Variants in CALN1 observed in about 807,000 individuals in gnomAD.
The protein encoded by CALN1 is calneuron 1.
In CALN1, 17 loss-of-function variants were observed where a neutral mutation model predicts 30.6. The observed-to-expected ratio is 0.56, with a 90% confidence interval of 0.38 to 0.83. CALN1 has a LOEUF of 0.83. Ranked by LOEUF, CALN1 falls within the 40% of genes least tolerant of loss-of-function variation. The pLI, the probability that CALN1 is intolerant of heterozygous loss-of-function variation, is 0.00. For synonymous variants in CALN1, 156 were observed against 131.4 expected, an observed-to-expected ratio of 1.19 and a Z score of -1.28; for missense variants, 291 against 354.9, an observed-to-expected ratio of 0.82 and a Z score of 1.45.
chr7:72,328,482 T>C lies in CALN1; in HGVS notation c.120-49672A>G, dbSNP rs538996607. Among the ~76,000 whole-genome samples the C allele has an allele frequency of 5.3e-5, 8 of 152,342 alleles. No individual in the cohort carries two copies. The East Asian group carries it at 7.7e-4, about 15-fold the overall frequency. ...GGCATGTGGTACTACTGTGAGTGCATCAAGCCTCTTTCCTTTATAAATTAC... is the reference window on the plus strand; with the variant it reads ...GGCATGTGGTACTACTGTGAGTGCACCAAGCCTCTTTCCTTTATAAATTAC... On this transcript the variant is annotated intron_variant, in intron 2 of 6. Transcript: ENST00000395275.
chr7:72,045,329 T>G (rs1802397774), intron 4 of CALN1, among the ~76,000 whole-genome samples: 1 of 152,208 alleles, frequency 6.6e-6, no homozygotes, highest in Admixed American at 6.5e-5. Context: ...CTCCTGACTA[T>G]GTGTGCTTGG....
intron 3 of CALN1, among the ~76,000 whole-genome samples, chr7:72,259,584 A>C (rs1338854331): frequency 1.3e-5 from 2 of 151,954 alleles, no homozygotes. Context: ...CGGGAATCCC[A>C]CTCCCACCAA....
At chr7:71,798,703 C>T (rs1258001388) in intron 6 of CALN1, among the ~76,000 whole-genome samples, 1 of 146,284 alleles carries the variant, frequency 6.8e-6, no homozygotes, top group Admixed American at 6.9e-5. Context: ...CTCACTGCAA[C>T]CTCTGCCTCC....
rs1248907607 is a variant in CALN1 at position 72,106,302 on chromosome 7, G to A, written c.245-8C>T. On this transcript the variant is annotated splice_polypyrimidine_tract_variant and splice_region_variant and intron_variant, in intron 3 of 6. Transcript: ENST00000395275. ...GAAAGGCCTCTCGGATTTCTACAATGGAAAAGCAAAGAAAGTCCAGTGGTC... is the reference window on the plus strand; with the variant it reads ...GAAAGGCCTCTCGGATTTCTACAATAGAAAAGCAAAGAAAGTCCAGTGGTC... 1 of 1,613,842 alleles carries A rather than the reference G, an allele frequency of 6.2e-7. No homozygotes were observed. Among genetic ancestry groups the A allele is most frequent in the South Asian group, 1.1e-5 (1 of 91,062 alleles).
intron 2 of CALN1, among the ~76,000 whole-genome samples, chr7:72,287,435 ATTTTTTT>A (rs71069052): frequency 4.6e-3 from 310 of 68,108 alleles, no homozygotes; most frequent in African/African-American, 0.017. Context: ...CACCAAATTA[ATTTTTTT>A]TTTTTTTTTT....
intron 2 of CALN1, among the ~76,000 whole-genome samples, chr7:72,335,808 A>T (rs1308482344): frequency 2.0e-5 from 3 of 152,040 alleles, no homozygotes; most frequent in Non-Finnish European, 2.9e-5. Context: ...ACGCAAGCCG[A>T]TCCCCTCGGT....
At chr7:71,834,000 G>A (rs1208090282) in intron 5 of CALN1, among the ~76,000 whole-genome samples, 1 of 151,968 alleles carries the variant, frequency 6.6e-6, no homozygotes, top group Non-Finnish European at 1.5e-5. Flanking sequence ...GTGGCGGGTG[G>A]ATCACAAGGT....
At chr7:72,036,621 A>G (rs1562998013) in intron 4 of CALN1, among the ~76,000 whole-genome samples, 1 of 151,954 alleles carries the variant, frequency 6.6e-6, no homozygotes, top group Non-Finnish European at 1.5e-5. Flanking sequence ...CCTTCTAGTG[A>G]GTTTTTCATT....
intron 2 of CALN1, among the ~76,000 whole-genome samples, chr7:72,378,090 G>A (rs551532221): frequency 7.9e-4 from 120 of 151,660 alleles, no homozygotes; most frequent in African/African-American, 2.8e-3. Flanking sequence ...TAAGTCATTT[G>A]CCTGCAAATG....
intron 5 of CALN1, among the ~76,000 whole-genome samples, chr7:71,858,752 C>T (rs1791096213): frequency 6.6e-6 from 1 of 152,128 alleles, no homozygotes; most frequent in South Asian, 2.1e-4. Context: ...AGCCCCCTCC[C>T]CACCTCAAGT....
chr7:72,333,486 AT>A (rs1223048439), intron 2 of CALN1, among the ~76,000 whole-genome samples: 1 of 152,178 alleles, frequency 6.6e-6, no homozygotes, highest in East Asian at 1.9e-4. Context: ...GTTCTGAGAA[AT>A]CTGCCAATGT....
chr7:72,250,037 G>A (rs989947570), intron 3 of CALN1, among the ~76,000 whole-genome samples: 5 of 151,530 alleles, frequency 3.3e-5, no homozygotes, highest in Admixed American at 6.6e-5. Context: ...TAACTCAGAT[G>A]GGCTCTTTCA....
rs771971999 is a variant in CALN1, at chr7:72,323,118, A to G, written c.120-44308T>C. Among the ~76,000 whole-genome samples, 4 of 151,964 alleles carry G rather than the reference A, an allele frequency of 2.6e-5. No individual in the cohort carries two copies. The South Asian group carries it at 6.2e-4, about 24-fold the overall frequency. ...GAATATGCTAAATCTTGAAGGATAA[A>G]TAAGTTTCATCCTGACAACTGGTTC... On this transcript the variant is annotated intron_variant, in intron 2 of 6. Coordinates refer to ENST00000395275, the MANE Select transcript of CALN1 (RefSeq NM_031468.4).
At chr7:72,220,245 T>C (rs1793182209) in intron 3 of CALN1, among the ~76,000 whole-genome samples, 1 of 136,926 alleles carries the variant, frequency 7.3e-6, no homozygotes. Context: ...CCTGTGTCCA[T>C]GTGTTCTCAT....
intron 3 of CALN1, among the ~76,000 whole-genome samples, chr7:72,270,047 A>G (rs995615781): frequency 4.6e-5 from 7 of 152,162 alleles, no homozygotes; most frequent in African/African-American, 1.7e-4. Context: ...ACTATAAAAA[A>G]GAACCAAATG....
chr7:72,424,523 C>T (rs2129563785), intron 1 of CALN1, among the ~76,000 whole-genome samples: 1 of 152,234 alleles, frequency 6.6e-6, no homozygotes, highest in Non-Finnish European at 1.5e-5. Flanking sequence ...AACCATGTGC[C>T]TTGCAAAAAT....
At chr7:72,233,167 T>C (rs1412842773) in intron 3 of CALN1, among the ~76,000 whole-genome samples, 2 of 142,870 alleles carry the variant, frequency 1.4e-5, no homozygotes, top group South Asian at 4.5e-4. Context: ...GACTTCTTGA[T>C]ACAATAAAGA....
chr7:72,068,534 C>G (rs1804179702), intron 4 of CALN1, among the ~76,000 whole-genome samples: 1 of 152,186 alleles, frequency 6.6e-6, no homozygotes, highest in Non-Finnish European at 1.5e-5. Flanking sequence ...GTTACCCAAG[C>G]TGGAGTGCAG....
chr7:72,293,628 C>A (rs1029675591), intron 2 of CALN1, among the ~76,000 whole-genome samples: 13 of 152,110 alleles, frequency 8.5e-5, no homozygotes, highest in African/African-American at 2.9e-4. Context: ...AGAAAGCAGG[C>A]AGATGACCAG....
Sources: gnomAD v4.1 joint callset for allele counts (sites outside exome capture counted in the v4.1 genomes callset) on GRCh38, gnomAD v4.1.1 for gene constraint, MANE v1.5 for transcripts, NCBI Gene and HGNC (gene_info 2026-07-23, HGNC 2026-07-21) for gene names.